The following PSD3 variants were observed in gnomAD, a reference collection of about 807,000 sequenced individuals.
PSD3 encodes the protein PH and SEC7 domain-containing protein 3.
PSD3 carries 49 observed loss-of-function variants against 105.5 expected under a neutral mutation model. The ratio of observed to expected loss-of-function variants is 0.46; its 90% CI spans 0.37 to 0.59. The LOEUF (loss-of-function observed/expected upper bound fraction) is 0.59, where lower values mean the gene tolerates loss of function less well. Among genes scored for constraint, PSD3 ranks in the 20% least tolerant of loss-of-function variants. The pLI is 0.00. For missense variants in PSD3, 1,561 were observed against 1,263.8 expected, an observed-to-expected ratio of 1.24 and a Z score of -3.57; for synonymous variants, 557 against 457.8, an observed-to-expected ratio of 1.22 and a Z score of -2.77.
chr8:19,006,059 C>T (rs1314815722), intron 1 of PSD3, among the ~76,000 whole-genome samples: 2 of 151,696 alleles, frequency 1.3e-5, no homozygotes, highest in African/African-American at 4.8e-5. Context: ...CTCTGGGAGG[C>T]CGAGGCAGGC....
intron 2 of PSD3, among the ~76,000 whole-genome samples, chr8:18,934,347 G>A (rs1276908990): frequency 1.3e-5 from 2 of 152,204 alleles, no homozygotes; most frequent in Non-Finnish European, 2.9e-5. Flanking sequence ...TGATGGTGAT[G>A]GTTATCACAA....
chr8:19,031,236 T>C (rs1827759008), intron 1 of PSD3, among the ~76,000 whole-genome samples: 1 of 152,220 alleles, frequency 6.6e-6, no homozygotes, highest in African/African-American at 2.4e-5. Flanking sequence ...ATTGTGTTCA[T>C]GTACTGAAAC....
At chr8:19,026,376 A>AC (rs1156566160) in intron 1 of PSD3, among the ~76,000 whole-genome samples, 1 of 152,118 alleles carries the variant, frequency 6.6e-6, no homozygotes, top group African/African-American at 2.4e-5. Flanking sequence ...TAACTCTCAG[A>AC]GGTTTTTTTT....
chr8:18,553,674 C>T (rs74654438), intron 15 of PSD3, among the ~76,000 whole-genome samples: 3,584 of 152,170 alleles, frequency 0.024, 65 homozygotes, highest in East Asian at 0.086. Context: ...GTGGCTGCAA[C>T]AATAGCAAAG....
chr8:18,702,457 G>T lies in PSD3; in HGVS notation c.2173-46772C>A, dbSNP rs75634834. ...TTTGTATTGTGAATCATAGTTGTAC[G>T]TACTTTAGGGGTATGTGTGTTCTTT... On this transcript the variant is annotated intron_variant, in intron 9 of 15. Transcript: ENST00000327040. Among the ~76,000 whole-genome samples the T allele has an allele frequency of 0.013, 1,965 of 152,192 alleles. 95 individuals are homozygous for T. In the East Asian group the frequency reaches 0.13, roughly 10 times the overall value.
chr8:18,624,855 C>A (rs941540305), intron 11 of PSD3, among the ~76,000 whole-genome samples: 5 of 151,636 alleles, frequency 3.3e-5, no homozygotes, highest in Non-Finnish European at 4.4e-5. Flanking sequence ...TGTAATTATA[C>A]ATATCAATTT....
intron 9 of PSD3, among the ~76,000 whole-genome samples, chr8:18,739,299 C>T (rs1047951030): frequency 1.3e-5 from 2 of 152,006 alleles, no homozygotes; most frequent in Non-Finnish European, 1.5e-5. Context: ...AAAGAGTAAG[C>T]TATTTAAGGG....
At chr8:19,036,196 A>G (rs1404163275) in intron 1 of PSD3, among the ~76,000 whole-genome samples, 1 of 152,140 alleles carries the variant, frequency 6.6e-6, no homozygotes, top group East Asian at 1.9e-4. Context: ...ACCAGGAACT[A>G]TTTTCAGAAT....
At chr8:18,661,871 C>G (rs375172398) in intron 9 of PSD3, among the ~76,000 whole-genome samples, 7 of 152,178 alleles carry the variant, frequency 4.6e-5, no homozygotes, top group African/African-American at 1.7e-4. Context: ...CCCGTACCCA[C>G]TGGACAGTTT....
chr8:18,674,277 G>A (rs970520624), intron 9 of PSD3, among the ~76,000 whole-genome samples: 1 of 152,236 alleles, frequency 6.6e-6, no homozygotes, highest in African/African-American at 2.4e-5. Flanking sequence ...CTCAGAGGTA[G>A]CCAGTGGCCC....
chr8:18,879,061 C>CACACACACAT (rs1817925234), intron 2 of PSD3, among the ~76,000 whole-genome samples: 2 of 150,008 alleles, frequency 1.3e-5, no homozygotes, highest in Non-Finnish European at 3.0e-5. Context: ...AACACACACA[C>CACACACACAT]ACACACACAC....
intron 1 of PSD3, among the ~76,000 whole-genome samples, chr8:19,061,404 C>T (rs1010173354): frequency 6.6e-6 from 1 of 152,168 alleles, no homozygotes; most frequent in Non-Finnish European, 1.5e-5. Context: ...CAAAATGACT[C>T]AACCCACAAG....
chr8:18,928,672 C>T (rs1821533458), intron 2 of PSD3, among the ~76,000 whole-genome samples: 1 of 151,804 alleles, frequency 6.6e-6, no homozygotes, highest in Admixed American at 6.6e-5. Context: ...CTCTCTCTTT[C>T]TTCCTTCCTT....
At chr8:19,080,227 T>C (rs1233917815) in intron 1 of PSD3, among the ~76,000 whole-genome samples, 5 of 152,102 alleles carry the variant, frequency 3.3e-5, no homozygotes, top group Non-Finnish European at 7.4e-5. Context: ...CCTTAAAGAG[T>C]TTCATTCCCT....
At chr8:18,980,511 T>A (rs1437206383) in intron 1 of PSD3, among the ~76,000 whole-genome samples, 1 of 152,224 alleles carries the variant, frequency 6.6e-6, no homozygotes, top group Non-Finnish European at 1.5e-5. Flanking sequence ...ATCTTTTAAT[T>A]GGTACATTTA....
At chr8:18,604,320 T>A (rs1804658817) in intron 11 of PSD3, among the ~76,000 whole-genome samples, 2 of 152,126 alleles carry the variant, frequency 1.3e-5, no homozygotes. Context: ...GCACTGTGCC[T>A]TTGCCCTAGG....
At chr8:18,745,762 T>C (rs1409749076) in intron 9 of PSD3, among the ~76,000 whole-genome samples, 1 of 152,222 alleles carries the variant, frequency 6.6e-6, no homozygotes, top group African/African-American at 2.4e-5. Context: ...ATACCCATCA[T>C]GCAAACTCAC....
chr8:18,973,580 GC>G (rs1824769458), intron 1 of PSD3, among the ~76,000 whole-genome samples: 1 of 152,098 alleles, frequency 6.6e-6, no homozygotes, highest in Non-Finnish European at 1.5e-5. Context: ...CTCCTCAAAT[GC>G]CCTACCTCCA....
At chr8:18,937,970 A>T (rs975956673) in intron 1 of PSD3, among the ~76,000 whole-genome samples, 1 of 152,192 alleles carries the variant, frequency 6.6e-6, no homozygotes, top group Non-Finnish European at 1.5e-5. Context: ...GATAACTAAG[A>T]GAAAGCCAAA....
Sources: allele counts gnomAD v4.1 joint callset (sites outside exome capture counted in the v4.1 genomes callset), GRCh38; gene constraint gnomAD v4.1.1; transcripts MANE v1.5; gene names NCBI Gene and HGNC (gene_info 2026-07-23, HGNC 2026-07-21).